The following PCBP3 variants were observed in gnomAD, a reference collection of about 807,000 sequenced individuals.
PCBP3 encodes the protein poly(rC) binding protein 3.
In PCBP3, 25 loss-of-function variants were observed where a neutral mutation model predicts 52.7. The observed-to-expected ratio is 0.47, with a 90% CI of 0.35 to 0.66. PCBP3 has a LOEUF of 0.66. PCBP3 is among the 30% of genes least tolerant of loss of function. PCBP3 has a pLI of 0.01. For synonymous variants in PCBP3, 162 were observed against 183.0 expected, an observed-to-expected ratio of 0.89 and a Z score of 0.93; for missense variants, 391 against 490.3, an observed-to-expected ratio of 0.80 and a Z score of 1.91.
At chr21:45,732,372 A>G (rs972102368) in intron 2 of PCBP3, among the ~76,000 whole-genome samples, 6 of 152,134 alleles carry the variant, frequency 3.9e-5, no homozygotes, top group African/African-American at 1.4e-4. Context: ...GTAGTGAAGC[A>G]AATTAACATA....
At chr21:45,909,879 G>C (rs1417121207) in intron 10 of PCBP3, among the ~76,000 whole-genome samples, 2 of 50,544 alleles carry the variant, frequency 4.0e-5, no homozygotes, top group South Asian at 1.3e-3. Flanking sequence ...ATACGGACCC[G>C]GCCACCCACT....
At chr21:45,866,481 A>G (rs2094729500) in intron 5 of PCBP3, among the ~76,000 whole-genome samples, 2 of 152,308 alleles carry the variant, frequency 1.3e-5, no homozygotes, top group South Asian at 4.1e-4. Flanking sequence ...GCTCATGGTT[A>G]AGGTTAACAG....
intron 1 of PCBP3, among the ~76,000 whole-genome samples, chr21:45,644,605 G>C (rs1375696642): frequency 6.6e-6 from 1 of 152,100 alleles, no homozygotes; most frequent in African/African-American, 2.4e-5. Context: ...CCAAAAGTCG[G>C]GTCCTAAATC....
chr21:45,725,475 T>C (rs149680740), intron 2 of PCBP3, among the ~76,000 whole-genome samples: 1 of 152,310 alleles, frequency 6.6e-6, no homozygotes, highest in Non-Finnish European at 1.5e-5. Flanking sequence ...TAACAACCCA[T>C]TCTCCTTCAG....
chr21:45,928,913 G>T lies in PCBP3; in HGVS notation c.718-1004G>T, dbSNP rs386633. Among the ~76,000 whole-genome samples, 106,189 of 151,936 alleles carry T rather than the reference G, an allele frequency of 0.7. 38,578 individuals carry two copies. Among genetic ancestry groups the T allele is most frequent in the African/African-American group, 0.89 (36,875 of 41,486 alleles). On this transcript the variant is annotated intron_variant, in intron 13 of 17. Transcript: ENST00000681687. The surrounding 1 kb of genome is among the most constrained non-coding windows in gnomAD (Gnocchi z 4.1). ...AGCACCACAGAGGAGCTTTGCCCAG[G>T]GTCCTCCTGAGCCCCAGGACACCCT...
In PCBP3 at chr21:45,665,323, A is replaced by G. The variant is rs540384524; in HGVS notation, c.-278-3551A>G. On this transcript the variant is annotated intron_variant, in intron 1 of 17. Transcript: ENST00000681687. ...CTTGGGGGGCTGAGGTGGGAGAATCACTTGAGCTCAGGAGTTTGAGGCTAC... is the reference window on the plus strand; with the variant it reads ...CTTGGGGGGCTGAGGTGGGAGAATCGCTTGAGCTCAGGAGTTTGAGGCTAC... Among the ~76,000 whole-genome samples the G allele has an allele frequency of 1.2e-4, 18 of 152,178 alleles. No homozygotes were observed. In the East Asian group the frequency reaches 3.5e-3, roughly 29 times the overall value.
In PCBP3 at chr21:45,724,059, G is replaced by T. The variant is rs1282992879; in HGVS notation, c.-199-11333G>T. Among the ~76,000 whole-genome samples, 3 of 152,114 alleles carry T rather than the reference G, an allele frequency of 2.0e-5. No homozygotes were observed. The highest frequency in any genetic ancestry group is 4.8e-5 in the African/African-American group (2 of 41,400). ...AAACTCTCAATTCACTCACCTGGAG[G>T]GGGTAAGTTAATGAGACACTCTCTC... On this transcript the variant is annotated intron_variant, in intron 2 of 17. Transcript: ENST00000681687. This position sits in a 1 kb window ranked among gnomAD's most constrained non-coding sequence, Gnocchi z 5.3.
At chr21:45,877,410 C>A (rs2095289156) in intron 5 of PCBP3, among the ~76,000 whole-genome samples, 1 of 152,176 alleles carries the variant, frequency 6.6e-6, no homozygotes, top group Non-Finnish European at 1.5e-5. Context: ...TACTAGCATT[C>A]TGTTGATTTG....
intron 15 of PCBP3, among the ~76,000 whole-genome samples, chr21:45,931,298 G>A (rs2076141572): frequency 6.6e-6 from 1 of 152,252 alleles, no homozygotes; most frequent in Non-Finnish European, 1.5e-5. Context: ...CTGGGGCTTA[G>A]CAGGTTCCTA....
intron 2 of PCBP3, among the ~76,000 whole-genome samples, chr21:45,700,106 A>G (rs1438327173): frequency 1.3e-5 from 2 of 152,168 alleles, no homozygotes; most frequent in Non-Finnish European, 2.9e-5. Context: ...GCCAGTGACA[A>G]TGTTTGATGA....
At position 45,830,155 on chromosome 21, in the gene PCBP3, C is replaced by A. The variant is rs2093411842; in HGVS notation, c.-125-19806C>A. On this transcript the variant is annotated intron_variant, in intron 4 of 17. Transcript: ENST00000681687. This position sits in a 1 kb window ranked among gnomAD's most constrained non-coding sequence, Gnocchi z 4.4. ...CATGCAGTACATGTGGGCCCTGCAA[C>A]CCTAGACCAGTCTCCAGGCAGGGCA... The A allele has an allele frequency of 1.3e-5, 2 of 152,838 alleles. No homozygotes were observed. The highest frequency in any genetic ancestry group is 4.8e-5 in the African/African-American group (2 of 41,476). 9.5% of individuals were successfully genotyped at this position (152,838 alleles called of 1,614,324 possible). A position where few individuals can be genotyped will look rare whatever the true frequency, so the allele number is the denominator to read the frequency against.
Position 45,824,810 on chromosome 21 carries a change from C to T in PCBP3, c.-125-25151C>T, listed in dbSNP as rs571871115. Among the ~76,000 whole-genome samples the T allele has an allele frequency of 2.0e-5, 3 of 152,344 alleles. No homozygotes were observed. In the South Asian group the frequency reaches 6.2e-4, roughly 32 times the overall value. On this transcript the variant is annotated intron_variant, in intron 4 of 17. Coordinates refer to ENST00000681687, the MANE Select transcript of PCBP3 (RefSeq NM_001384156.1). ...CTTTGCTGGCTGATGTCTACAAGGA[C>T]ATAGATGGCCTGCATCTGGCGGGGG...
At chr21:45,651,215 G>A (rs2079661313) in intron 1 of PCBP3, among the ~76,000 whole-genome samples, 2 of 152,176 alleles carry the variant, frequency 1.3e-5, no homozygotes, top group African/African-American at 4.8e-5. Context: ...GAAAACTGAT[G>A]TACTGATCTC....
In PCBP3 at chr21:45,940,203, A is replaced by G; in HGVS notation, c.1079+4A>G. The G allele has an allele frequency of 6.2e-7, 1 of 1,610,420 alleles. No individual in the cohort carries two copies. The highest frequency in any genetic ancestry group is 1.8e-4 in the Middle Eastern group (1 of 5,698). On this transcript the variant is annotated splice_donor_region_variant and intron_variant, in intron 17 of 17. Coordinates refer to ENST00000681687, the MANE Select transcript of PCBP3 (RefSeq NM_001384156.1). Reference sequence around the variant, plus strand: ...CCCAGTATCTCATCAACGCCAGGTGAGCATCTCCCAAGGGTCTCTGAGAGA... The same window carrying G: ...CCCAGTATCTCATCAACGCCAGGTGGGCATCTCCCAAGGGTCTCTGAGAGA...
chr21:45,729,434 A>G (rs2085295079), intron 2 of PCBP3, among the ~76,000 whole-genome samples: 1 of 152,132 alleles, frequency 6.6e-6, no homozygotes. Flanking sequence ...TTGCTGTCCT[A>G]TGGTGATTCT....
chr21:45,708,775 T>C (rs577991594), intron 2 of PCBP3, among the ~76,000 whole-genome samples: 3 of 152,322 alleles, frequency 2.0e-5, no homozygotes, highest in African/African-American at 7.2e-5. Flanking sequence ...GTGGGTTCCG[T>C]AGAGGCTTTT....
chr21:45,834,876 C>T (rs1029636192), intron 4 of PCBP3, among the ~76,000 whole-genome samples: 16 of 152,358 alleles, frequency 1.1e-4, no homozygotes, highest in Admixed American at 7.2e-4. Context: ...GCGCTGAGTG[C>T]ACAACCCAGC....
At chr21:45,847,452 T>C (rs535693918) in intron 4 of PCBP3, among the ~76,000 whole-genome samples, 1 of 152,376 alleles carries the variant, frequency 6.6e-6, no homozygotes, top group East Asian at 1.9e-4. Context: ...TTTTTGTTTA[T>C]GTCAAATTTC....
intron 13 of PCBP3, among the ~76,000 whole-genome samples, chr21:45,923,439 T>G (rs1228166247): frequency 2.0e-5 from 3 of 152,234 alleles, no homozygotes; most frequent in Non-Finnish European, 4.4e-5. Context: ...CCCTCACTGC[T>G]GGCTGGAGTT....
Sources: gnomAD v4.1 joint callset for allele counts (sites outside exome capture counted in the v4.1 genomes callset) on GRCh38, gnomAD v4.1.1 for gene constraint, Gnocchi (gnomAD v3.1) non-coding constraint, MANE v1.5 for transcripts, NCBI Gene and HGNC (gene_info 2026-07-23, HGNC 2026-07-21) for gene names.